Variants in VTCN1 observed in about 807,000 individuals in gnomAD.
VTCN1 encodes the protein V-set domain containing T cell activation inhibitor 1.
A neutral mutation model predicts 26.5 loss-of-function variants in VTCN1; 26 were observed. That is an observed-to-expected ratio of 0.98 (90% confidence interval 0.72 to 1.36). The LOEUF is 1.36. VTCN1 is among the 40% of genes most tolerant of loss of function. The pLI is 0.00. For synonymous variants in VTCN1, 116 were observed against 130.7 expected (o/e 0.89, Z 0.77); for missense variants, 298 against 337.7 (o/e 0.88, Z 0.92).
chr1:117,151,867 T>G (rs1651821049), intron 4 of VTCN1, among the ~76,000 whole-genome samples: 1 of 152,174 alleles, frequency 6.6e-6, no homozygotes. Flanking sequence ...TTATTTTCTG[T>G]TTTTGCCTTA....
At chr1:117,198,152 T>C (rs916198599) in intron 1 of VTCN1, among the ~76,000 whole-genome samples, 5 of 152,300 alleles carry the variant, frequency 3.3e-5, no homozygotes, top group Non-Finnish European at 1.5e-5. Flanking sequence ...CCACCCTACC[T>C]TTCAACTCTC....
chr1:117,188,986 A>C (rs1648103547), intron 1 of VTCN1, among the ~76,000 whole-genome samples: 1 of 152,260 alleles, frequency 6.6e-6, no homozygotes, highest in Non-Finnish European at 1.5e-5. Context: ...TATAAAGTCC[A>C]GATGTCTGTG....
rs1217290138 is a variant in VTCN1, at chr1:117,183,768, TA to T, written c.33-13598del. 3.3e-5 allele frequency among the ~76,000 whole-genome samples: 5 copies of T among 152,022 alleles called. No homozygotes were observed. The highest frequency in any genetic ancestry group is 1.2e-4 in the African/African-American group (5 of 41,368). On this transcript the variant is annotated intron_variant, in intron 1 of 5. Coordinates refer to ENST00000369458, the MANE Select transcript of VTCN1 (RefSeq NM_024626.4). This position sits in a 1 kb window ranked among gnomAD's most constrained non-coding sequence, Gnocchi z 4.1. The stretch of plus-strand genomic sequence containing the variant: ...CCTTTAAAAAAATCCTTGATAAAAA[TA>T]CTTGAAATGCTGAATAAAAAGAAAA...
At chr1:117,148,434 A>G (rs1348952319) in intron 4 of VTCN1, among the ~76,000 whole-genome samples, 2 of 152,212 alleles carry the variant, frequency 1.3e-5, no homozygotes, top group African/African-American at 4.8e-5. Flanking sequence ...CATGCAAAGC[A>G]CTTAGAACAG....
rs114238538 is a variant in VTCN1, at chr1:117,147,562, G to C, written c.*45+51C>G. On this transcript the variant is annotated intron_variant, in intron 5 of 5. Transcript: ENST00000369458. The surrounding 1 kb of genome is among the most constrained non-coding windows in gnomAD (Gnocchi z 4.6). The stretch of plus-strand genomic sequence containing the variant: ...GAAGGCTATCCGACTCTCATTAGGA[G>C]CACAAGCACCCACAGAACCAATATC... The C allele has an allele frequency of 1.7e-3, 2,568 of 1,490,500 alleles. 34 individuals are homozygous for C. The African/African-American group carries it at 0.032, about 19-fold the overall frequency. The allele number at this position is 1,490,500 out of a possible 1,614,324, so 92.3% of individuals were successfully genotyped here.
chr1:117,148,265 A>C (rs1225935984), intron 4 of VTCN1, among the ~76,000 whole-genome samples: 1 of 152,196 alleles, frequency 6.6e-6, no homozygotes, highest in Non-Finnish European at 1.5e-5. Flanking sequence ...TCCCTAGACA[A>C]TCCTATCTCT....
At chr1:117,210,770 G>A (rs534156696) in intron 1 of VTCN1, 54 bp downstream of exon 1, 2 of 1,589,756 alleles carry the variant, frequency 1.3e-6, no homozygotes, top group South Asian at 2.2e-5. Flanking sequence ...ATCCCCAAAA[G>A]ACCTCACTGC....
In VTCN1 at chr1:117,149,097, C is replaced by T. The variant is rs1651660483; in HGVS notation, c.725-1315G>A. ...AGGAAGAGAGAGGCTAAAAAGATGACACTGGTGGGGATCCCTTCTCATAAA... is the reference window on the plus strand; with the variant it reads ...AGGAAGAGAGAGGCTAAAAAGATGATACTGGTGGGGATCCCTTCTCATAAA... On this transcript the variant is annotated intron_variant, in intron 4 of 5. Coordinates refer to ENST00000369458, the MANE Select transcript of VTCN1 (RefSeq NM_024626.4). 2.0e-5 allele frequency among the ~76,000 whole-genome samples: 3 copies of T among 152,170 alleles called. No individual in the cohort carries two copies. The South Asian group carries it at 6.2e-4, about 32-fold the overall frequency.
chr1:117,177,696 A>C (rs1172020662), intron 1 of VTCN1, among the ~76,000 whole-genome samples: 2 of 152,090 alleles, frequency 1.3e-5, no homozygotes, highest in Non-Finnish European at 2.9e-5. Flanking sequence ...ATCACAGCAC[A>C]GTTTAGTGGA....
At position 117,147,692 on chromosome 1, in the gene VTCN1, A is replaced by C; in HGVS notation, c.815T>G (p.Leu272Arg). 7 of 1,614,066 alleles carry C rather than the reference A, an allele frequency of 4.3e-6. No individual in the cohort carries two copies. The highest frequency in any genetic ancestry group is 5.9e-6 in the Non-Finnish European group (7 of 1,179,954). ...VSSFFAISWA[L>R]LPLSPYLMLK ...CATCAGGTAAGGGCTGAGAGGCAGA[A>C]GTGCCCAGCTGATGGCAAAGAAAGA... The change falls in exon 5 of 6, where the codon CTT becomes CGT. Residue 272 changes from leucine (L) to arginine (R), a missense_variant. Leu to Arg is a moderately radical substitution (Grantham distance 102). Coordinates refer to ENST00000369458, the MANE Select transcript of VTCN1 (RefSeq NM_024626.4). The surrounding 1 kb of genome is among the most constrained non-coding windows in gnomAD (Gnocchi z 4.6).
At chr1:117,201,690 A>T (rs1484422490) in intron 1 of VTCN1, among the ~76,000 whole-genome samples, 2 of 152,188 alleles carry the variant, frequency 1.3e-5, no homozygotes, top group Non-Finnish European at 2.9e-5. Flanking sequence ...GGATGGGGTG[A>T]GGGGGAGCTT....
chr1:117,194,879 T>C (rs1399549541), intron 1 of VTCN1, among the ~76,000 whole-genome samples: 2 of 151,932 alleles, frequency 1.3e-5, no homozygotes, highest in Non-Finnish European at 2.9e-5. Flanking sequence ...TTAGGGAAAA[T>C]GGAGAGGTGT....
At position 117,156,437 on chromosome 1, in the gene VTCN1, A is replaced by G. The variant is rs916556345; in HGVS notation, c.445+137T>C. 8 of 983,260 alleles carry G rather than the reference A, an allele frequency of 8.1e-6. No individual in the cohort carries two copies. The Admixed American group carries it at 1.3e-4, about 16-fold the overall frequency. 60.9% of individuals were successfully genotyped at this position (983,260 alleles called of 1,614,324 possible). ...GGTTGGTGTGAGTCTTGGCCATAAA[A>G]TGGCAAAAACAGCTGTTAGCAGAAT... On this transcript the variant is annotated intron_variant, in intron 3 of 5. Coordinates refer to ENST00000369458, the MANE Select transcript of VTCN1 (RefSeq NM_024626.4).
chr1:117,181,522 C>T (rs1647671720), intron 1 of VTCN1, among the ~76,000 whole-genome samples: 1 of 152,178 alleles, frequency 6.6e-6, no homozygotes, highest in South Asian at 2.1e-4. Context: ...CACCTCTTCC[C>T]AGGTAATGAG....
At position 117,174,538 on chromosome 1, in the gene VTCN1, G is replaced by A. The variant is rs944991906; in HGVS notation, c.33-4367C>T. On this transcript the variant is annotated intron_variant, in intron 1 of 5. Coordinates refer to ENST00000369458, the MANE Select transcript of VTCN1 (RefSeq NM_024626.4). ...TCCCAGCACTTTGGGAGGCCGAGGCGGGCGGATTACCTGAGGTCAGGAGTT... is the reference window on the plus strand; with the variant it reads ...TCCCAGCACTTTGGGAGGCCGAGGCAGGCGGATTACCTGAGGTCAGGAGTT... Among the ~76,000 whole-genome samples the A allele has an allele frequency of 9.2e-5, 14 of 152,206 alleles. No individual in the cohort carries two copies. In the South Asian group the frequency reaches 1.0e-3, roughly 11 times the overall value.
intron 1 of VTCN1, among the ~76,000 whole-genome samples, chr1:117,178,172 CAAGTGATCCTCCCATTTTGGTCTCCA>C (rs1647465803): frequency 6.6e-6 from 1 of 151,916 alleles, no homozygotes; most frequent in South Asian, 2.1e-4. Context: ...CTCCTAGCCT[CAAGTGATCCTCCCATTTTGGTCTCCA>C]AAAGTGTGGG....
chr1:117,145,914 G>C lies in VTCN1; in HGVS notation c.*46-689C>G, dbSNP rs1047952314. Among the ~76,000 whole-genome samples, 17 of 152,184 alleles carry C rather than the reference G, an allele frequency of 1.1e-4. No homozygotes were observed. Among genetic ancestry groups the C allele is most frequent in the Non-Finnish European group, 1.9e-4 (13 of 68,030 alleles). ...CTCTCAAAGTGCTGGGGTTACAGGTGTGAGCCACCATGCCCAGCCTTACTC... is the reference window on the plus strand; with the variant it reads ...CTCTCAAAGTGCTGGGGTTACAGGTCTGAGCCACCATGCCCAGCCTTACTC... On this transcript the variant is annotated intron_variant, in intron 5 of 5. Transcript: ENST00000369458. The surrounding 1 kb of genome is among the most constrained non-coding windows in gnomAD (Gnocchi z 4.6).
chr1:117,182,835 A>G (rs1250721212), intron 1 of VTCN1, among the ~76,000 whole-genome samples: 1 of 152,160 alleles, frequency 6.6e-6, no homozygotes, highest in Non-Finnish European at 1.5e-5. Context: ...TTCCCCTGGT[A>G]GAGACTCCCA....
chr1:117,208,612 T>C (rs1461251029), intron 1 of VTCN1, among the ~76,000 whole-genome samples: 2 of 152,218 alleles, frequency 1.3e-5, no homozygotes, highest in African/African-American at 2.4e-5. Context: ...AAGGGTTTTC[T>C]ACCCCTGTCC....
Sources: gnomAD v4.1 joint callset for allele counts (sites outside exome capture counted in the v4.1 genomes callset) on GRCh38, gnomAD v4.1.1 for gene constraint, Gnocchi (gnomAD v3.1) non-coding constraint, MANE v1.5 for transcripts, NCBI Gene and HGNC (gene_info 2026-07-23, HGNC 2026-07-21) for gene names.